Variants in SPTBN1 observed in about 807,000 individuals in gnomAD.
SPTBN1 encodes spectrin beta, non-erythrocytic 1.
SPTBN1 carries 32 observed loss-of-function variants against 266.4 expected under a neutral mutation model. That is an observed-to-expected ratio of 0.12 (90% CI 0.09 to 0.16). The LOEUF (loss-of-function observed/expected upper bound fraction) is 0.16, where lower values mean the gene tolerates loss of function less well. Ranked by LOEUF, SPTBN1 falls within the 10% of genes least tolerant of loss-of-function variation. The pLI, the probability that SPTBN1 is intolerant of heterozygous loss-of-function variation, is 1.00. For missense variants in SPTBN1, 2,296 were observed against 3,067.1 expected (o/e 0.75, Z 5.94); for synonymous variants, 1,336 against 1,162.2 (o/e 1.15, Z -3.04).
chr2:54,634,420 A>C (rs1678972044), intron 17 of SPTBN1, among the ~76,000 whole-genome samples: 1 of 152,254 alleles, frequency 6.6e-6, no homozygotes, highest in Admixed American at 6.5e-5. Flanking sequence ...AGTTTTAAAA[A>C]TGAAACGTAA....
At chr2:54,663,074 G>A (rs925995621) in intron 32 of SPTBN1, 19 of 152,126 alleles carry the variant, frequency 1.2e-4, no homozygotes, top group Non-Finnish European at 2.5e-4. Flanking sequence ...AGAGCTTTTT[G>A]TAGCCCTTTT....
intron 1 of SPTBN1, among the ~76,000 whole-genome samples, chr2:54,512,074 A>T (rs569364167): frequency 6.6e-6 from 1 of 152,236 alleles, no homozygotes; most frequent in African/African-American, 2.4e-5. Flanking sequence ...CGCTCCTATG[A>T]GGCTGTAATG....
chr2:54,516,974 T>C (rs6545421), intron 1 of SPTBN1, among the ~76,000 whole-genome samples: 114,706 of 152,206 alleles, frequency 0.75, 44,040 homozygotes, highest in African/African-American at 0.92. Context: ...AAAGAGTCAT[T>C]ATCAGTAGAA....
In SPTBN1 at chr2:54,645,474, C is replaced by A. The variant is rs771466439; in HGVS notation, c.4494+21C>A. 6.2e-7 allele frequency: 1 copy of A among 1,610,236 alleles called. No homozygotes were observed. The highest frequency in any genetic ancestry group is 8.5e-7 in the Non-Finnish European group (1 of 1,177,112). The stretch of plus-strand genomic sequence containing the variant: ...AGATCGTGAGTCGACCCCTACTGCA[C>A]ACATGGCTTTTCCACGAGCCCCCTT... On this transcript the variant is annotated intron_variant, in intron 21 of 35. Coordinates refer to ENST00000356805, the MANE Select transcript of SPTBN1 (RefSeq NM_003128.3). This position sits in a 1 kb window ranked among gnomAD's most constrained non-coding sequence, Gnocchi z 4.3.
intron 1 of SPTBN1, among the ~76,000 whole-genome samples, chr2:54,470,268 G>A (rs1558753429): frequency 2.0e-5 from 3 of 152,106 alleles, no homozygotes; most frequent in African/African-American, 7.2e-5. Flanking sequence ...CGGCTGTGAA[G>A]AAATATTTTA....
intron 3 of SPTBN1, among the ~76,000 whole-genome samples, chr2:54,611,599 AT>A (rs971121099): frequency 6.6e-6 from 1 of 151,986 alleles, no homozygotes. Flanking sequence ...CACTACACTC[AT>A]TTTTTTCCCT....
chr2:54,555,641 C>T (rs1451767780), intron 2 of SPTBN1, among the ~76,000 whole-genome samples: 1 of 152,210 alleles, frequency 6.6e-6, no homozygotes, highest in Non-Finnish European at 1.5e-5. Context: ...ACCCTCTACT[C>T]CCCTGGCTCA....
chr2:54,610,030 A>C (rs1385686451), intron 3 of SPTBN1, among the ~76,000 whole-genome samples: 5 of 122,848 alleles, frequency 4.1e-5, no homozygotes, highest in Non-Finnish European at 5.3e-5. Context: ...TTTTGTGAAC[A>C]GGGCACTTTC....
At chr2:54,588,123 A>T (rs1675411167) in intron 2 of SPTBN1, among the ~76,000 whole-genome samples, 1 of 152,148 alleles carries the variant, frequency 6.6e-6, no homozygotes, top group Admixed American at 6.5e-5. Context: ...TCTATAAAGG[A>T]CCAGATAATA....
chr2:54,500,869 T>G (rs1299034793), intron 1 of SPTBN1, among the ~76,000 whole-genome samples: 1 of 152,164 alleles, frequency 6.6e-6, no homozygotes, highest in Non-Finnish European at 1.5e-5. Context: ...TGATGCTCAC[T>G]CATACCTGAG....
chr2:54,535,383 C>T (rs1016824954), intron 2 of SPTBN1, among the ~76,000 whole-genome samples: 6 of 152,198 alleles, frequency 3.9e-5, no homozygotes, highest in Admixed American at 6.5e-5. Flanking sequence ...ATCCCATGTA[C>T]GTTAGCGGTT....
chr2:54,578,567 T>C (rs1461340905), intron 2 of SPTBN1, among the ~76,000 whole-genome samples: 5 of 152,212 alleles, frequency 3.3e-5, no homozygotes, highest in African/African-American at 1.2e-4. Context: ...AAAAACTGTT[T>C]CTAAGAGTTC....
At chr2:54,560,704 G>A (rs182262134) in intron 2 of SPTBN1, among the ~76,000 whole-genome samples, 145 of 152,244 alleles carry the variant, frequency 9.5e-4, no homozygotes, top group Admixed American at 1.8e-3. Flanking sequence ...TTTAGCCCCA[G>A]TGACTTTCTT....
intron 8 of SPTBN1, among the ~76,000 whole-genome samples, chr2:54,622,073 C>A (rs1279594872): frequency 6.6e-6 from 1 of 152,140 alleles, no homozygotes; most frequent in Non-Finnish European, 1.5e-5. Flanking sequence ...GAACCAATTA[C>A]AGTTAAGCTG....
Position 54,629,031 on chromosome 2 carries a change from C to A in SPTBN1, c.1897C>A (p.Arg633Ser), listed in dbSNP as rs185213402. 1.9e-6 allele frequency: 3 copies of A among 1,613,716 alleles called. No individual in the cohort carries two copies. Among genetic ancestry groups the A allele is most frequent in the Admixed American group, 1.7e-5 (1 of 60,026 alleles). The change falls in exon 14 of 36, where the codon CGT (arginine) becomes AGT (serine). Residue 633 changes from arginine to serine, a missense_variant. Physicochemically the swap from Arg to Ser is moderately radical, Grantham distance 110. This residue lies in a region of SPTBN1 where 434 missense variants were observed against 573.9 expected (regional missense o/e 0.76). Coordinates refer to ENST00000356805, the MANE Select transcript of SPTBN1 (RefSeq NM_003128.3). ...LCQLAAERRA[R>S]LEESRRLWKF... is the part of the protein sequence containing the mutation. ...CCAGCTGGCGGCTGAGCGCAGGGCC[C>A]GTCTGGAAGAGTCCCGCCGCCTCTG...
At chr2:54,501,354 A>C (rs1286773281) in intron 1 of SPTBN1, among the ~76,000 whole-genome samples, 1 of 152,108 alleles carries the variant, frequency 6.6e-6, no homozygotes, top group African/African-American at 2.4e-5. Flanking sequence ...GCTAACTAAG[A>C]CTGACAAATA....
At chr2:54,478,483 T>C (rs778132959) in intron 1 of SPTBN1, among the ~76,000 whole-genome samples, 7 of 152,112 alleles carry the variant, frequency 4.6e-5, no homozygotes, top group Non-Finnish European at 7.3e-5. Flanking sequence ...GATCATAGAA[T>C]TGGAAGTTTT....
chr2:54,594,851 T>TTTTTTTG lies in SPTBN1; in HGVS notation c.149-4241_149-4240insTTTTTTG, dbSNP rs10673399. On this transcript the variant is annotated intron_variant, in intron 2 of 35. Coordinates refer to ENST00000356805, the MANE Select transcript of SPTBN1 (RefSeq NM_003128.3). Reference sequence around the variant, plus strand: ...TAAGTTTCTTTTTTTTTTTTTTTTTTGAGACAGAGTTTCGCTCTTGTTGCC... The same window carrying TTTTTTTG: ...TAAGTTTCTTTTTTTTTTTTTTTTTTTTTTTTGGAGACAGAGTTTCGCTCTTGTTGCC... Among the ~76,000 whole-genome samples the TTTTTTTG allele has an allele frequency of 3.9e-4, 57 of 144,956 alleles. 2 individuals are homozygous for TTTTTTTG. The highest frequency in any genetic ancestry group is 1.4e-3 in the African/African-American group (49 of 35,918).
At chr2:54,650,059 A>G in intron 26 of SPTBN1, 70 bp downstream of exon 26, 1 of 1,521,978 alleles carries the variant, frequency 6.6e-7, no homozygotes, top group Non-Finnish European at 8.8e-7. Flanking sequence ...GGCATCTGTA[A>G]GTATCTCCCT....
Sources: allele counts gnomAD v4.1 joint callset (sites outside exome capture counted in the v4.1 genomes callset), GRCh38; gene constraint gnomAD v4.1.1; regional missense constraint gnomAD v4.1.1; non-coding constraint Gnocchi (gnomAD v3.1); transcripts MANE v1.5; gene names NCBI Gene and HGNC (gene_info 2026-07-23, HGNC 2026-07-21).